CNIH3: variants seen among roughly 807,000 people sequenced by gnomAD.
The protein encoded by CNIH3 is cornichon family AMPA receptor auxiliary protein 3.
In CNIH3, 14 loss-of-function variants were observed where a neutral mutation model predicts 24.1. That is an observed-to-expected ratio of 0.58 (90% CI 0.38 to 0.91). The LOEUF (loss-of-function observed/expected upper bound fraction) is 0.91, where lower values mean the gene tolerates loss of function less well. Ranked by LOEUF, CNIH3 falls within the 40% of genes least tolerant of loss-of-function variation. The pLI is 0.00. For missense variants in CNIH3, 178 were observed against 196.8 expected (o/e 0.90, Z 0.57); for synonymous variants, 68 against 73.8 (o/e 0.92, Z 0.40).
intron 4 of CNIH3, among the ~76,000 whole-genome samples, chr1:224,569,570 A>G (rs753156058): frequency 1.1e-4 from 16 of 152,124 alleles, no homozygotes; most frequent in Admixed American, 2.6e-4. Context: ...ATTACAGGAC[A>G]CATGCATCTT....
rs57080500 is a variant in CNIH3 at position 224,698,852 on chromosome 1, GGAATGAATGAAT to G, written c.198+14020_198+14031del. On this transcript the variant is annotated intron_variant, in intron 3 of 5. Coordinates refer to ENST00000272133, the MANE Select transcript of CNIH3 (RefSeq NM_152495.2). ...ACATAGCCAGTAATGCTTTGCTGAT[GGAATGAATGAAT>G]GAATGAATGAGTGGAACAAACTCCA... 4.4e-3 allele frequency among the ~76,000 whole-genome samples: 674 copies of G among 152,268 alleles called. 2 individuals are homozygous for G. The highest frequency in any genetic ancestry group is 7.6e-3 in the Non-Finnish European group (518 of 68,030).
At chr1:224,720,485 A>T (rs546396284) in intron 3 of CNIH3, among the ~76,000 whole-genome samples, 37 of 151,644 alleles carry the variant, frequency 2.4e-4, no homozygotes, top group Non-Finnish European at 4.3e-4. Flanking sequence ...GGGACTTAGA[A>T]CCCTCTTTGT....
chr1:224,457,277 G>C (rs879337951), intron 1 of CNIH3, among the ~76,000 whole-genome samples: 16 of 8,752 alleles, frequency 1.8e-3, no homozygotes, highest in African/African-American at 4.1e-3. Flanking sequence ...CTCTCTCTCT[G>C]TGTGTGTGTG....
At chr1:224,572,628 G>A (rs904341443) in intron 4 of CNIH3, among the ~76,000 whole-genome samples, 2 of 150,818 alleles carry the variant, frequency 1.3e-5, no homozygotes, top group South Asian at 2.1e-4. Flanking sequence ...TTTTAGGATA[G>A]GGTTTTTTTT....
intron 1 of CNIH3, among the ~76,000 whole-genome samples, chr1:224,498,048 C>T (rs1363781054): frequency 6.6e-6 from 1 of 152,112 alleles, no homozygotes; most frequent in Non-Finnish European, 1.5e-5. Flanking sequence ...AGGCACTGTG[C>T]AAAGGGAGGG....
rs144567419 is a variant in CNIH3, at chr1:224,684,584, G to C, written c.151-212G>C. On this transcript the variant is annotated intron_variant, in intron 2 of 5. Coordinates refer to ENST00000272133, the MANE Select transcript of CNIH3 (RefSeq NM_152495.2). This position sits in a 1 kb window ranked among gnomAD's most constrained non-coding sequence, Gnocchi z 4.2. ...CCATGCTGTTTGCTGGGAGAGTTCT[G>C]CTAAGAGCAAATGACCATGACAAGG... Among the ~76,000 whole-genome samples, 1 of 152,306 alleles carries C rather than the reference G, an allele frequency of 6.6e-6. No individual in the cohort carries two copies. Among genetic ancestry groups the C allele is most frequent in the Non-Finnish European group, 1.5e-5 (1 of 68,030 alleles).
chr1:224,460,276 T>G (rs1182104541), intron 1 of CNIH3, among the ~76,000 whole-genome samples: 1 of 152,154 alleles, frequency 6.6e-6, no homozygotes, highest in East Asian at 1.9e-4. Context: ...ATATTTAAAG[T>G]GGATAATTTG....
intron 1 of CNIH3, among the ~76,000 whole-genome samples, chr1:224,501,523 ATATT>A (rs887504128): frequency 1.2e-4 from 13 of 112,254 alleles, no homozygotes; most frequent in African/African-American, 4.1e-4. Flanking sequence ...ATATATATAT[ATATT>A]TTTTTTTTTT....
At chr1:224,560,408 C>A (rs1299058953) in intron 3 of CNIH3, among the ~76,000 whole-genome samples, 2 of 152,068 alleles carry the variant, frequency 1.3e-5, no homozygotes, top group Non-Finnish European at 2.9e-5. Flanking sequence ...TAATCAGGAC[C>A]CTCCAACCCC....
chr1:224,591,100 T>G (rs1044470576), downstream of CNIH3, among the ~76,000 whole-genome samples: 2 of 152,194 alleles, frequency 1.3e-5, no homozygotes, highest in African/African-American at 2.4e-5. Flanking sequence ...CCAGTTTCAC[T>G]TATTATTCAC....
chr1:224,569,213 C>T (rs1327303413), intron 4 of CNIH3, among the ~76,000 whole-genome samples: 1 of 152,132 alleles, frequency 6.6e-6, no homozygotes, highest in African/African-American at 2.4e-5. Flanking sequence ...TTGCTATATT[C>T]CAAAACGACA....
At chr1:224,532,853 T>C (rs1033818930) in intron 2 of CNIH3, among the ~76,000 whole-genome samples, 2 of 152,224 alleles carry the variant, frequency 1.3e-5, no homozygotes, top group Admixed American at 6.5e-5. Context: ...AACTTAATAT[T>C]ATCTAAGTTA....
chr1:224,607,633 T>C (rs139106019), intron 3 of CNIH3, among the ~76,000 whole-genome samples: 339 of 152,320 alleles, frequency 2.2e-3, no homozygotes, highest in African/African-American at 7.8e-3. Flanking sequence ...GGATGACTTT[T>C]AGGTCTCTTC....
chr1:224,608,347 G>A (rs1244526988), intron 3 of CNIH3, among the ~76,000 whole-genome samples: 1 of 152,140 alleles, frequency 6.6e-6, no homozygotes, highest in African/African-American at 2.4e-5. Context: ...AAAGAAGGAA[G>A]GGCTTTATTC....
chr1:224,654,628 A>G (rs911708135), intron 1 of CNIH3, among the ~76,000 whole-genome samples: 2 of 152,180 alleles, frequency 1.3e-5, no homozygotes, highest in Non-Finnish European at 2.9e-5. Flanking sequence ...GCTATACACA[A>G]TAACTCCATA....
intron 4 of CNIH3, chr1:224,574,619 G>T (rs557590155): frequency 2.9e-4 from 248 of 849,600 alleles, no homozygotes; most frequent in Non-Finnish European, 2.5e-4. Flanking sequence ...TTCGGGAGAA[G>T]CTCAGGGAGC....
intron 1 of CNIH3, among the ~76,000 whole-genome samples, chr1:224,492,904 A>G (rs1677288232): frequency 6.6e-6 from 1 of 152,232 alleles, no homozygotes; most frequent in African/African-American, 2.4e-5. Flanking sequence ...TTAGGCAAGT[A>G]TGAGAGAAAA....
chr1:224,509,192 A>G (rs1230122096), intron 1 of CNIH3, among the ~76,000 whole-genome samples: 1 of 152,104 alleles, frequency 6.6e-6, no homozygotes, highest in Non-Finnish European at 1.5e-5. Context: ...GTGTGGTGGT[A>G]CACATCTGTA....
At chr1:224,584,560 A>G (rs1302690871) in intron 5 of CNIH3, among the ~76,000 whole-genome samples, 1 of 152,252 alleles carries the variant, frequency 6.6e-6, no homozygotes, top group Non-Finnish European at 1.5e-5. Flanking sequence ...TCTTTTTGTC[A>G]TGGAAGAAAG....
Sources: allele counts gnomAD v4.1 joint callset (sites outside exome capture counted in the v4.1 genomes callset), GRCh38; gene constraint gnomAD v4.1.1; non-coding constraint Gnocchi (gnomAD v3.1); transcripts MANE v1.5; gene names NCBI Gene and HGNC (gene_info 2026-07-23, HGNC 2026-07-21).